Variants in FER1L6 observed in about 807,000 individuals in gnomAD.
FER1L6 encodes the protein fer-1 like family member 6.
A neutral mutation model predicts 219.2 loss-of-function variants in FER1L6; 177 were observed. The ratio of observed to expected loss-of-function variants is 0.81; its 90% CI spans 0.71 to 0.91. The LOEUF is 0.91. FER1L6 is among the 40% of genes least tolerant of loss of function. The pLI is 0.00. For synonymous variants in FER1L6, 768 were observed against 824.3 expected (o/e 0.93, Z 1.17); for missense variants, 2,153 against 2,259.9 (o/e 0.95, Z 0.96).
At chr8:123,953,630 C>T (rs962361944) in intron 1 of FER1L6, among the ~76,000 whole-genome samples, 13 of 152,212 alleles carry the variant, frequency 8.5e-5, no homozygotes, top group Non-Finnish European at 2.9e-5. Context: ...CTACCCATGA[C>T]GAGGATGTCA....
chr8:124,053,181 G>T (rs1820129405), intron 22 of FER1L6, among the ~76,000 whole-genome samples: 1 of 152,146 alleles, frequency 6.6e-6, no homozygotes, highest in Admixed American at 6.5e-5. Flanking sequence ...TGGACTGGTG[G>T]ATCCCCAAAT....
chr8:124,086,477 A>G (rs1821790025), intron 33 of FER1L6, among the ~76,000 whole-genome samples: 1 of 151,090 alleles, frequency 6.6e-6, no homozygotes, highest in Non-Finnish European at 1.5e-5. Context: ...AAAACTGATG[A>G]AAACTCTATA....
intron 18 of FER1L6, among the ~76,000 whole-genome samples, chr8:124,031,098 T>C (rs1818944715): frequency 6.6e-6 from 1 of 152,108 alleles, no homozygotes; most frequent in Non-Finnish European, 1.5e-5. Flanking sequence ...TTGCTGTGGT[T>C]GGTGAAGCTT....
intron 20 of FER1L6, among the ~76,000 whole-genome samples, chr8:124,045,073 C>G (rs887220323): frequency 1.3e-5 from 2 of 152,184 alleles, no homozygotes; most frequent in African/African-American, 4.8e-5. Context: ...CAGTCAATAA[C>G]CACAAAACAG....
At chr8:124,108,963 G>A (rs1822896740) in intron 39 of FER1L6, among the ~76,000 whole-genome samples, 1 of 152,126 alleles carries the variant, frequency 6.6e-6, no homozygotes, top group Admixed American at 6.6e-5. Context: ...CTTTATAAAT[G>A]ATTCTCCTGA....
At chr8:123,877,000 A>G (rs1053439641) in intron 1 of FER1L6, among the ~76,000 whole-genome samples, 2 of 152,082 alleles carry the variant, frequency 1.3e-5, no homozygotes, top group Admixed American at 6.5e-5. Context: ...GCTTCTCTGC[A>G]TCCTGCACTC....
chr8:123,939,444 A>C (rs1410147113), intron 1 of FER1L6, among the ~76,000 whole-genome samples: 1 of 152,212 alleles, frequency 6.6e-6, no homozygotes, highest in Non-Finnish European at 1.5e-5. Context: ...AGATGACATT[A>C]CTGAAGTGCT....
intron 18 of FER1L6, among the ~76,000 whole-genome samples, chr8:124,024,011 C>T (rs1225441377): frequency 1.3e-5 from 2 of 151,734 alleles, no homozygotes; most frequent in East Asian, 3.9e-4. Context: ...ATTCTCCTGC[C>T]TCAGCCTCCC....
At chr8:123,898,494 A>G (rs900610421) in intron 1 of FER1L6, among the ~76,000 whole-genome samples, 7 of 151,588 alleles carry the variant, frequency 4.6e-5, no homozygotes, top group African/African-American at 1.7e-4. Flanking sequence ...TTGCATCCTC[A>G]TAGCTTAGCT....
chr8:124,094,782 C>A, intron 34 of FER1L6, 114 bp from the exon 35 acceptor site: 1 of 1,211,522 alleles, frequency 8.3e-7, no homozygotes, highest in Admixed American at 1.8e-5. Context: ...CCACTGCACC[C>A]AGCCCCTTGG....
rs1334513952 is a variant in FER1L6, at chr8:123,984,081, G to A, written c.1411-1987G>A. Reference sequence around the variant, plus strand: ...ACATTTGAGTTAAACCTTGTAGGATGGGTGGAATTAAGACATCAATTCTGC... The same window carrying A: ...ACATTTGAGTTAAACCTTGTAGGATAGGTGGAATTAAGACATCAATTCTGC... On this transcript the variant is annotated intron_variant, in intron 11 of 40. Coordinates refer to ENST00000522917, the MANE Select transcript of FER1L6 (RefSeq NM_001039112.2). 7 of 152,190 alleles carry A rather than the reference G, an allele frequency of 4.6e-5. No homozygotes were observed. In the East Asian group the frequency reaches 1.3e-3, roughly 29 times the overall value. The allele number at this position is 152,190 out of a possible 1,614,324, so 9.4% of individuals were successfully genotyped here.
chr8:124,066,207 C>T (rs149342095), intron 26 of FER1L6, among the ~76,000 whole-genome samples: 2 of 152,268 alleles, frequency 1.3e-5, no homozygotes, highest in East Asian at 1.9e-4. Flanking sequence ...CAGTATCTCA[C>T]GTATGCTCAA....
chr8:124,045,547 A>G (rs1033917876), intron 20 of FER1L6, among the ~76,000 whole-genome samples: 2 of 152,218 alleles, frequency 1.3e-5, no homozygotes, highest in African/African-American at 4.8e-5. Context: ...CATGAAACTT[A>G]AGAATGTACG....
At chr8:123,929,403 T>C (rs1461153208) in intron 1 of FER1L6, among the ~76,000 whole-genome samples, 1 of 152,154 alleles carries the variant, frequency 6.6e-6, no homozygotes, top group Non-Finnish European at 1.5e-5. Flanking sequence ...ACATAGACAG[T>C]AAGTAGTGGA....
At chr8:123,960,197 C>T (rs1815209448) in intron 2 of FER1L6, among the ~76,000 whole-genome samples, 1 of 152,156 alleles carries the variant, frequency 6.6e-6, no homozygotes, top group Non-Finnish European at 1.5e-5. Context: ...AGTGGAAGGA[C>T]TGGAATTTGA....
intron 1 of FER1L6, among the ~76,000 whole-genome samples, chr8:123,891,551 C>CCTAA (rs1418882597): frequency 3.9e-5 from 6 of 152,178 alleles, no homozygotes; most frequent in African/African-American, 1.4e-4. Context: ...CAATGAGTAA[C>CCTAA]CTACTTTAAT....
At chr8:124,071,725 A>C in intron 31 of FER1L6, 94 bp downstream of exon 31, 3 of 1,451,376 alleles carry the variant, frequency 2.1e-6, no homozygotes, top group Non-Finnish European at 1.9e-6. Context: ...AAACAACAGA[A>C]ATTTACTTTC....
intron 1 of FER1L6, among the ~76,000 whole-genome samples, chr8:123,938,185 G>A (rs1424175151): frequency 5.3e-5 from 8 of 152,194 alleles, no homozygotes; most frequent in Non-Finnish European, 2.9e-5. Flanking sequence ...TGACCCTAAG[G>A]TGACCCTTGT....
At chr8:123,929,486 G>A (rs1399525747) in intron 1 of FER1L6, among the ~76,000 whole-genome samples, 2 of 152,122 alleles carry the variant, frequency 1.3e-5, no homozygotes, top group East Asian at 3.9e-4. Context: ...CCTCTTAGCT[G>A]CCAGAGCTCA....
Sources: gnomAD v4.1 joint callset for allele counts (sites outside exome capture counted in the v4.1 genomes callset) on GRCh38, gnomAD v4.1.1 for gene constraint, MANE v1.5 for transcripts, NCBI Gene and HGNC (gene_info 2026-07-23, HGNC 2026-07-21) for gene names.